The following TAF2 variants were observed in gnomAD, a reference collection of about 807,000 sequenced individuals.
TAF2 encodes the protein TATA-box binding protein associated factor 2.
A neutral mutation model predicts 138.5 loss-of-function variants in TAF2; 61 were observed. The observed-to-expected ratio is 0.44, with a 90% confidence interval of 0.36 to 0.54. The LOEUF is 0.54. Among genes scored for constraint, TAF2 ranks in the 20% least tolerant of loss-of-function variants. TAF2 has a pLI of 0.00. For synonymous variants in TAF2, 475 were observed against 469.9 expected, an observed-to-expected ratio of 1.01 and a Z score of -0.14; for missense variants, 1,090 against 1,427.9, an observed-to-expected ratio of 0.76 and a Z score of 3.81.
intron 24 of TAF2, among the ~76,000 whole-genome samples, chr8:119,744,013 A>G (rs1290818875): frequency 6.6e-6 from 1 of 152,204 alleles, no homozygotes; most frequent in East Asian, 1.9e-4. Context: ...CCACATACAC[A>G]CACAAAAGAG....
At chr8:119,808,994 C>A (rs977805807) in intron 3 of TAF2, among the ~76,000 whole-genome samples, 3 of 152,236 alleles carry the variant, frequency 2.0e-5, no homozygotes, top group African/African-American at 7.2e-5. Flanking sequence ...AAGTTCCCAG[C>A]TGCATTAGCC....
chr8:119,830,875 G>A (rs1456345878), intron 2 of TAF2, among the ~76,000 whole-genome samples: 1 of 152,188 alleles, frequency 6.6e-6, no homozygotes, highest in Non-Finnish European at 1.5e-5. Flanking sequence ...GGAGGCAGAG[G>A]CAGGTGAATC....
chr8:119,755,025 G>A (rs1422238445), intron 22 of TAF2, among the ~76,000 whole-genome samples: 3 of 152,162 alleles, frequency 2.0e-5, no homozygotes, highest in Non-Finnish European at 4.4e-5. Flanking sequence ...GTGTTTTACA[G>A]ACACTCATTT....
intron 10 of TAF2, chr8:119,791,775 T>C (rs1050995276): frequency 1.4e-5 from 3 of 212,004 alleles, no homozygotes; most frequent in African/African-American, 4.7e-5. Flanking sequence ...TATCCCAACA[T>C]TGAAGCATGC....
At chr8:119,788,629 C>A (rs1409752943) in intron 13 of TAF2, among the ~76,000 whole-genome samples, 161 bp downstream of exon 13, 2 of 151,632 alleles carry the variant, frequency 1.3e-5, no homozygotes, top group Non-Finnish European at 2.9e-5. Flanking sequence ...CCAGAAATCT[C>A]TGTACTTCCT....
intron 2 of TAF2, among the ~76,000 whole-genome samples, chr8:119,825,851 A>ATT (rs35710501): frequency 0.29 from 41,990 of 144,806 alleles, 7,104 homozygotes; most frequent in Admixed American, 0.46. Flanking sequence ...CGCCTGGCTA[A>ATT]TTTTTTTTTT....
chr8:119,813,749 A>G (rs2131241099), intron 3 of TAF2, among the ~76,000 whole-genome samples: 1 of 152,362 alleles, frequency 6.6e-6, no homozygotes, highest in East Asian at 1.9e-4. Context: ...TGTGACTATT[A>G]AGGCAAAATG....
chr8:119,811,437 C>G (rs986368439), intron 3 of TAF2, among the ~76,000 whole-genome samples: 4 of 152,044 alleles, frequency 2.6e-5, no homozygotes, highest in Non-Finnish European at 5.9e-5. Flanking sequence ...CCCTAGTAAA[C>G]AGCTCGATAA....
chr8:119,807,044 T>A (rs958180698), intron 3 of TAF2, among the ~76,000 whole-genome samples: 11 of 152,236 alleles, frequency 7.2e-5, no homozygotes, highest in African/African-American at 2.4e-4. Context: ...GAATAAATAA[T>A]TATTCCCTAT....
At chr8:119,830,831 T>C (rs1826397992) in intron 2 of TAF2, among the ~76,000 whole-genome samples, 1 of 152,156 alleles carries the variant, frequency 6.6e-6, no homozygotes, top group Admixed American at 6.5e-5. Flanking sequence ...TTCAGCCAGG[T>C]GCAGTGGTTC....
chr8:119,785,326 A>T, intron 14 of TAF2, 60 bp from the exon 15 acceptor site: 1 of 1,147,902 alleles, frequency 8.7e-7, no homozygotes, highest in Non-Finnish European at 1.3e-6. Context: ...AATGGACATT[A>T]ACAGCAGCTA....
At position 119,832,572 on chromosome 8, in the gene TAF2, T is replaced by G. The variant is rs1826535460; in HGVS notation, c.-8A>C. 2 of 1,612,342 alleles carry G rather than the reference T, an allele frequency of 1.2e-6. No individual in the cohort carries two copies. The highest frequency in any genetic ancestry group is 1.7e-5 in the Admixed American group (1 of 59,970). ...TACACCAGTCAGCGGCATGAAGCGG[T>G]CCCGCGGAGCTTGGCTTCCCGGCTT... On this transcript the variant is annotated 5_prime_UTR_variant, in exon 1 of 26. Transcript: ENST00000378164.
intron 25 of TAF2, among the ~76,000 whole-genome samples, chr8:119,737,535 G>T (rs1819304904): frequency 7.0e-6 from 1 of 143,698 alleles, no homozygotes; most frequent in Non-Finnish European, 1.5e-5. Context: ...TTGAGACAGA[G>T]TCTCACTCTG....
intron 4 of TAF2, among the ~76,000 whole-genome samples, chr8:119,804,867 G>A (rs984117672): frequency 3.9e-5 from 6 of 151,986 alleles, no homozygotes; most frequent in African/African-American, 1.4e-4. Context: ...TTATTATCAC[G>A]TTTTTTGTTA....
chr8:119,755,814 A>G (rs918158522), intron 22 of TAF2, among the ~76,000 whole-genome samples, 192 bp downstream of exon 22: 1 of 152,196 alleles, frequency 6.6e-6, no homozygotes, highest in African/African-American at 2.4e-5. Context: ...CAACCACACT[A>G]TGGAGTAAAG....
In TAF2 at chr8:119,744,341, C is replaced by A. The variant is rs1052219999; in HGVS notation, c.3161G>T (p.Ser1054Ile). 2 of 1,613,638 alleles carry A rather than the reference C, an allele frequency of 1.2e-6. No homozygotes were observed. The highest frequency in any genetic ancestry group is 1.6e-4 in the Middle Eastern group (1 of 6,080). Residue 1054 changes from serine to isoleucine, a missense_variant, in exon 24 of 26, where the codon AGC becomes ATC. By Grantham distance (142) the Ser-to-Ile change is moderately radical. Around this residue, in one of 3 missense-constraint regions of TAF2, gnomAD observed 580 missense variants for 719.6 expected, o/e 0.81. Transcript: ENST00000378164. ...EEIDMDTVHDSQAFISHHLNM... is the reference protein window; with the variant it reads ...EEIDMDTVHDIQAFISHHLNM... ...TAAATGATGGGAAATGAAGGCCTGG[C>A]TATCATGAACAGTATCCATATCAAT...
In TAF2 at chr8:119,793,363, T is replaced by C; in HGVS notation, c.1277+3A>G. The C allele has an allele frequency of 6.2e-7, 1 of 1,609,768 alleles. No homozygotes were observed. The highest frequency in any genetic ancestry group is 8.5e-7 in the Non-Finnish European group (1 of 1,176,404). ...TAATATCATCTCTGAACAATAAACA[T>C]ACTTATCCTTCTCTTTTCCTCCACC... On this transcript the variant is annotated splice_donor_region_variant and intron_variant, in intron 10 of 25. Coordinates refer to ENST00000378164, the MANE Select transcript of TAF2 (RefSeq NM_003184.4).
intron 18 of TAF2, among the ~76,000 whole-genome samples, chr8:119,772,478 T>TG (rs1286996758): frequency 6.6e-6 from 1 of 152,136 alleles, no homozygotes; most frequent in Non-Finnish European, 1.5e-5. Flanking sequence ...AAGCGAGGGT[T>TG]GAAAAATTAC....
chr8:119,767,053 C>T (rs1364172062), intron 18 of TAF2: 6 of 152,272 alleles, frequency 3.9e-5, no homozygotes, highest in South Asian at 4.1e-4. Context: ...ATTCATATGA[C>T]ACAGAACTGA....
Sources: allele counts gnomAD v4.1 joint callset (sites outside exome capture counted in the v4.1 genomes callset), GRCh38; gene constraint gnomAD v4.1.1; regional missense constraint gnomAD v4.1.1; transcripts MANE v1.5; gene names NCBI Gene and HGNC (gene_info 2026-07-23, HGNC 2026-07-21).